Variants in SLC5A10 observed in about 807,000 individuals in gnomAD.
The protein encoded by SLC5A10 is solute carrier family 5 member 10, also known as sodium/mannose cotransporter SLC5A10.
A neutral mutation model predicts 68.9 loss-of-function variants in SLC5A10; 55 were observed. The ratio of observed to expected loss-of-function variants is 0.80; its 90% CI spans 0.64 to 1.00. The LOEUF (loss-of-function observed/expected upper bound fraction) is 1.00. SLC5A10 is among the 50% of genes least tolerant of loss of function. The pLI is 0.00. For synonymous variants in SLC5A10, 344 were observed against 344.8 expected, an observed-to-expected ratio of 1.00 and a Z score of 0.02; for missense variants, 732 against 819.3, an observed-to-expected ratio of 0.89 and a Z score of 1.30.
At chr17:18,977,084 T>C (rs764984495) in intron 9 of SLC5A10, 95 bp downstream of exon 9, 3 of 1,546,240 alleles carry the variant, frequency 1.9e-6, no homozygotes, top group East Asian at 2.3e-5. Flanking sequence ...AGGCAAAGGA[T>C]AGATGTGAAC....
At chr17:19,001,187 C>T (rs1485686931) in intron 9 of SLC5A10, among the ~76,000 whole-genome samples, 10 of 152,360 alleles carry the variant, frequency 6.6e-5, no homozygotes, top group Admixed American at 5.2e-4. Flanking sequence ...TCCCTGCCCA[C>T]ACATGCCACA....
chr17:19,015,824 A>C (rs1305431296), intron 11 of SLC5A10, among the ~76,000 whole-genome samples: 1 of 152,178 alleles, frequency 6.6e-6, no homozygotes, highest in Non-Finnish European at 1.5e-5. Flanking sequence ...ACAGGCCAAG[A>C]GACCTCCCCG....
chr17:19,018,934 T>A lies in SLC5A10; in HGVS notation c.1242-489T>A, dbSNP rs947119254. The A allele has an allele frequency of 2.0e-5, 3 of 153,658 alleles. No individual in the cohort carries two copies. The highest frequency in any genetic ancestry group is 7.2e-5 in the African/African-American group (3 of 41,480). 9.5% of individuals were successfully genotyped at this position (153,658 alleles called of 1,614,324 possible). On this transcript the variant is annotated intron_variant, in intron 11 of 14. Coordinates refer to ENST00000395645, the MANE Select transcript of SLC5A10 (RefSeq NM_001042450.4). The surrounding 1 kb of genome is among the most constrained non-coding windows in gnomAD (Gnocchi z 4.2). The stretch of plus-strand genomic sequence containing the variant: ...CAGTCTGGCCCAGATCGGGGGGCAG[T>A]GGTCATTCATGCACTCACCAAATGC...
intron 8 of SLC5A10, among the ~76,000 whole-genome samples, chr17:18,973,856 C>T (rs1287635646): frequency 1.3e-5 from 2 of 149,268 alleles, no homozygotes; most frequent in East Asian, 3.9e-4. Context: ...TGCCACCACA[C>T]TCGGCTAATT....
At chr17:19,002,029 GCA>G (rs1181285398) in intron 9 of SLC5A10, among the ~76,000 whole-genome samples, 1 of 152,184 alleles carries the variant, frequency 6.6e-6, no homozygotes, top group Non-Finnish European at 1.5e-5. Flanking sequence ...TCCCCATCAG[GCA>G]CAGACATCAG....
chr17:18,989,989 T>A (rs1335716861), intron 9 of SLC5A10, among the ~76,000 whole-genome samples: 1 of 152,166 alleles, frequency 6.6e-6, no homozygotes, highest in Non-Finnish European at 1.5e-5. Flanking sequence ...CAGCTGGGAC[T>A]CCCAGAACTC....
chr17:18,975,550 C>T (rs1481052192), intron 8 of SLC5A10, among the ~76,000 whole-genome samples: 2 of 152,040 alleles, frequency 1.3e-5, no homozygotes, highest in African/African-American at 2.4e-5. Context: ...AAAAATTAGC[C>T]GGGCGTGGTG....
In SLC5A10 at chr17:18,979,681, G is replaced by A. The variant is rs544248940; in HGVS notation, c.982+2692G>A. The A allele has an allele frequency of 1.9e-6, 3 of 1,612,854 alleles. No individual in the cohort carries two copies. The South Asian group carries it at 3.3e-5, about 18-fold the overall frequency. ...GCTCCGCACTCTGAGATTCTGTTTT[G>A]GGAACCAAGAGACAGAATTACACGA... On this transcript the variant is annotated intron_variant, in intron 9 of 14. Coordinates refer to ENST00000395645, the MANE Select transcript of SLC5A10 (RefSeq NM_001042450.4).
chr17:18,960,650 T>C lies in SLC5A10; in HGVS notation c.451T>C (p.Ser151Pro), dbSNP rs978080467. The C allele has an allele frequency of 1.9e-6, 3 of 1,613,956 alleles. No homozygotes were observed. ...SLLLSVFTKISLDLYAGALFV... is the reference protein window; with the variant it reads ...SLLLSVFTKIPLDLYAGALFV... ...GCTACTGTCTGTCTTCACCAAGATA[T>C]CGGTGAGCTGCCCCCGGCTCCCTGC... Residue 151 changes from serine (S) to proline (P), a missense_variant and splice_region_variant, in exon 5 of 15, where the codon TCG (serine) becomes CCG (proline). By Grantham distance (74) the Ser-to-Pro change is moderately conservative. Coordinates refer to ENST00000395645, the MANE Select transcript of SLC5A10 (RefSeq NM_001042450.4).
chr17:18,994,413 C>T (rs1567801889), intron 9 of SLC5A10, among the ~76,000 whole-genome samples: 1 of 152,174 alleles, frequency 6.6e-6, no homozygotes, highest in East Asian at 1.9e-4. Flanking sequence ...CTAGGATTTG[C>T]AGGACGGAGT....
intron 9 of SLC5A10, among the ~76,000 whole-genome samples, chr17:18,991,747 G>C (rs1361382289): frequency 6.6e-6 from 1 of 152,174 alleles, no homozygotes. Context: ...CAGCAGCCTG[G>C]AATCTGCGCA....
intron 7 of SLC5A10, chr17:18,970,241 G>T (rs2152000664): frequency 6.6e-6 from 1 of 152,404 alleles, no homozygotes; most frequent in South Asian, 2.1e-4. Flanking sequence ...GTGGAAACGG[G>T]TTTTCCTACA....
At chr17:18,978,478 G>A (rs369707076) in intron 9 of SLC5A10, 397 of 1,611,822 alleles carry the variant, frequency 2.5e-4, no homozygotes, top group Non-Finnish European at 3.2e-4. Flanking sequence ...GCAGTCCTGG[G>A]TGGATGGGTG....
rs1186940791 is a variant in SLC5A10, at chr17:18,996,668, C to A, written c.983-16742C>A. ...CCAGCTGGCACGCATACAGGTGTCC[C>A]TTTTCTGGAGACAGGGAGGGGTGGT... is the stretch of plus-strand genomic sequence containing the variant. On this transcript the variant is annotated intron_variant, in intron 9 of 14. Transcript: ENST00000395645. This position sits in a 1 kb window ranked among gnomAD's most constrained non-coding sequence, Gnocchi z 4.4. Among the ~76,000 whole-genome samples the A allele has an allele frequency of 6.6e-6, 1 of 152,180 alleles. No homozygotes were observed. Among genetic ancestry groups the A allele is most frequent in the Non-Finnish European group, 1.5e-5 (1 of 68,036 alleles).
intron 10 of SLC5A10, among the ~76,000 whole-genome samples, 166 bp downstream of exon 10, chr17:19,013,683 C>T (rs899109581): frequency 1.3e-4 from 5 of 39,176 alleles, no homozygotes; most frequent in African/African-American, 6.4e-4. Context: ...GAGATAATGG[C>T]ATCTACCCAC....
In SLC5A10 at chr17:18,971,607, G is replaced by A. The variant is rs1327764400; in HGVS notation, c.846+389G>A. The A allele has an allele frequency of 2.5e-6, 4 of 1,613,458 alleles. No homozygotes were observed. Among genetic ancestry groups the A allele is most frequent in the Admixed American group, 1.7e-5 (1 of 60,002 alleles). Reference sequence around the variant, plus strand: ...TGACCTCCCTTGGCCTGCCAGTGGTGGGGGCCAGCCATGGCTGGGCCAGCG... The same window carrying A: ...TGACCTCCCTTGGCCTGCCAGTGGTAGGGGCCAGCCATGGCTGGGCCAGCG... On this transcript the variant is annotated intron_variant, in intron 8 of 14. Transcript: ENST00000395645. The surrounding 1 kb of genome is among the most constrained non-coding windows in gnomAD (Gnocchi z 5.5).
rs1402399919 is a variant in SLC5A10 at position 18,968,486 on chromosome 17, G to A, written c.454-566G>A. On this transcript the variant is annotated intron_variant, in intron 5 of 14. Coordinates refer to ENST00000395645, the MANE Select transcript of SLC5A10 (RefSeq NM_001042450.4). The surrounding 1 kb of genome is among the most constrained non-coding windows in gnomAD (Gnocchi z 4.1). ...CAGCCACAGGTTCTGGGAGGGCAGG[G>A]GCTGTGTCCAGTCAGTGTGGAGACC... is the stretch of plus-strand genomic sequence containing the variant. Among the ~76,000 whole-genome samples the A allele has an allele frequency of 6.6e-6, 1 of 152,164 alleles. No homozygotes were observed. The highest frequency in any genetic ancestry group is 1.5e-5 in the Non-Finnish European group (1 of 68,026).
Position 18,971,623 on chromosome 17 carries a change from TG to T in SLC5A10, c.846+408del. On this transcript the variant is annotated intron_variant, in intron 8 of 14. Transcript: ENST00000395645. This position sits in a 1 kb window ranked among gnomAD's most constrained non-coding sequence, Gnocchi z 5.5. The stretch of plus-strand genomic sequence containing the variant: ...GCCAGTGGTGGGGGCCAGCCATGGC[TG>T]GGCCAGCGTTTCTGGTAGAGCTCTG... The T allele has an allele frequency of 6.2e-7, 1 of 1,613,486 alleles. No individual in the cohort carries two copies. The highest frequency in any genetic ancestry group is 8.5e-7 in the Non-Finnish European group (1 of 1,179,992).
chr17:18,970,770 A>C (rs2042821758), intron 7 of SLC5A10: 2 of 523,316 alleles, frequency 3.8e-6, no homozygotes, highest in South Asian at 2.3e-5. Flanking sequence ...TGGGGTGCCC[A>C]TGTGCAAAAT....
Sources: gnomAD v4.1 joint callset for allele counts (sites outside exome capture counted in the v4.1 genomes callset) on GRCh38, gnomAD v4.1.1 for gene constraint, Gnocchi (gnomAD v3.1) non-coding constraint, MANE v1.5 for transcripts, NCBI Gene and HGNC (gene_info 2026-07-23, HGNC 2026-07-21) for gene names.